Variants in CFAP69 observed in about 807,000 individuals in gnomAD.
CFAP69 encodes the protein cilia- and flagella-associated protein 69.
In CFAP69, 92 loss-of-function variants were observed where a neutral mutation model predicts 123.0. That is an observed-to-expected ratio of 0.75 (90% CI 0.63 to 0.89). The LOEUF (loss-of-function observed/expected upper bound fraction) is 0.89. Ranked by LOEUF, CFAP69 falls within the 40% of genes least tolerant of loss-of-function variation. The pLI is 0.00. For synonymous variants in CFAP69, 380 were observed against 364.3 expected (o/e 1.04, Z -0.49); for missense variants, 1,067 against 1,096.9 (o/e 0.97, Z 0.39).
chr7:90,295,142 A>C (rs1791751556), intron 15 of CFAP69, among the ~76,000 whole-genome samples: 1 of 152,218 alleles, frequency 6.6e-6, no homozygotes, highest in Non-Finnish European at 1.5e-5. Flanking sequence ...AACCATAAGC[A>C]AAAAGTGCAA....
At chr7:90,309,478 T>C in intron 22 of CFAP69, 111 bp downstream of exon 22, 1 of 504,016 alleles carries the variant, frequency 2.0e-6, no homozygotes, top group Non-Finnish European at 3.5e-6. Context: ...AATGGATGGA[T>C]TGTGTGGTAT....
At chr7:90,315,512 G>A (rs1421452313), downstream of CFAP69, among the ~76,000 whole-genome samples, 1 of 152,212 alleles carries the variant, frequency 6.6e-6, no homozygotes, top group East Asian at 1.9e-4. Context: ...ACAGAAAACC[G>A]AATACCGCAT....
At chr7:90,258,714 A>G (rs960756140) in intron 3 of CFAP69, among the ~76,000 whole-genome samples, 28 of 152,234 alleles carry the variant, frequency 1.8e-4, no homozygotes, top group African/African-American at 6.5e-4. Flanking sequence ...TCTACCACAG[A>G]AATACTGGAG....
intron 17 of CFAP69, chr7:90,300,644 C>CT (rs988514800): frequency 0.044 from 3,536 of 80,602 alleles, 85 homozygotes; most frequent in South Asian, 0.22. Context: ...ACATTTTTTT[C>CT]TTTTTTTTTT....
At chr7:90,316,463 T>C in the CFAP69 span, 2 of 152,234 alleles carry the variant, frequency 1.3e-5, no homozygotes, top group Non-Finnish European at 2.9e-5. Flanking sequence ...TATTTTGATA[T>C]CATAAAATTG....
intron 1 of CFAP69, 53 bp downstream of exon 1, chr7:90,245,597 C>G: frequency 7.1e-7 from 1 of 1,416,446 alleles, no homozygotes; most frequent in Non-Finnish European, 9.3e-7. Context: ...AGTGAAGTCT[C>G]GAGACGGGGT....
At chr7:90,294,970 C>G (rs1791719947) in intron 15 of CFAP69, among the ~76,000 whole-genome samples, 1 of 152,132 alleles carries the variant, frequency 6.6e-6, no homozygotes, top group Admixed American at 6.6e-5. Context: ...AGAGAAAGAC[C>G]TGCCCATTGG....
intron 3 of CFAP69, among the ~76,000 whole-genome samples, chr7:90,258,835 T>A (rs1797960546): frequency 6.6e-6 from 1 of 152,152 alleles, no homozygotes; most frequent in African/African-American, 2.4e-5. Context: ...ATAACACAAG[T>A]AACTGTGGAT....
At chr7:90,269,911 A>G (rs1273568755) in intron 6 of CFAP69, among the ~76,000 whole-genome samples, 3 of 152,198 alleles carry the variant, frequency 2.0e-5, no homozygotes, top group South Asian at 2.1e-4. Flanking sequence ...GAAATTCTCA[A>G]AGAAAGCACA....
At position 90,304,347 on chromosome 7, in the gene CFAP69, GA is replaced by G. The variant is rs1008852049; in HGVS notation, c.2188+242del. 260 of 1,256,552 alleles carry G rather than the reference GA, an allele frequency of 2.1e-4. 1 individual carries two copies. The African/African-American group carries it at 3.7e-3, about 18-fold the overall frequency. The allele number at this position is 1,256,552 out of a possible 1,614,324, so 77.8% of individuals were successfully genotyped here. On this transcript the variant is annotated intron_variant, in intron 18 of 22. Coordinates refer to ENST00000389297, the MANE Select transcript of CFAP69 (RefSeq NM_001039706.3). ...CCAGGCAATTCCAATGTGCAGATAG[GA>G]TTAAGGACAGTTAGTTTAGATGATT...
the CFAP69 span, among the ~76,000 whole-genome samples, chr7:90,319,989 G>C: frequency 3.3e-5 from 5 of 152,214 alleles, no homozygotes; most frequent in African/African-American, 1.2e-4. Flanking sequence ...TTATGAAAAT[G>C]CAAAGGTTCA....
intron 15 of CFAP69, among the ~76,000 whole-genome samples, chr7:90,289,956 G>A (rs1790880394): frequency 6.6e-6 from 1 of 152,114 alleles, no homozygotes; most frequent in South Asian, 2.1e-4. Flanking sequence ...TTTCTGTGCT[G>A]TTCTACTGGT....
chr7:90,293,987 T>C (rs913138242), intron 15 of CFAP69, among the ~76,000 whole-genome samples: 2 of 152,368 alleles, frequency 1.3e-5, no homozygotes, highest in African/African-American at 4.8e-5. Context: ...ACATAGACTA[T>C]GACATGCTTA....
intron 1 of CFAP69, among the ~76,000 whole-genome samples, chr7:90,247,478 C>T (rs1796468336): frequency 6.6e-6 from 1 of 152,128 alleles, no homozygotes; most frequent in Non-Finnish European, 1.5e-5. Flanking sequence ...GCTATGTGAC[C>T]AAAGACCAGT....
Position 90,297,830 on chromosome 7 carries a change from A to G in CFAP69, c.1857A>G (p.Ala619=), listed in dbSNP as rs751622236. Residue 619 remains alanine, a splice_region_variant and synonymous_variant, in exon 16 of 23, where the codon GCA becomes GCG. Coordinates refer to ENST00000389297, the MANE Select transcript of CFAP69 (RefSeq NM_001039706.3). ...TTTTTCTCCTTTTGGATTTGTTAGC[A>G]GTAAGTATGGCTATAACAATCATAA... The part of the protein sequence containing the change: ...EGIFLLLDLL[A]LNQKKFCNLI... 1 of 1,565,708 alleles carries G rather than the reference A, an allele frequency of 6.4e-7. No homozygotes were observed. Among genetic ancestry groups the G allele is most frequent in the Non-Finnish European group, 8.6e-7 (1 of 1,159,564 alleles).
chr7:90,304,232 T>C (rs1416537194), intron 18 of CFAP69, 126 bp downstream of exon 18: 1 of 1,390,378 alleles, frequency 7.2e-7, no homozygotes, highest in Non-Finnish European at 9.3e-7. Context: ...TCATTTTCCA[T>C]TGTTACCCCA....
intron 15 of CFAP69, among the ~76,000 whole-genome samples, chr7:90,292,738 A>G (rs1462642630): frequency 2.0e-5 from 3 of 152,198 alleles, no homozygotes; most frequent in African/African-American, 7.2e-5. Context: ...CATTTTAAGC[A>G]ACAAGTTAAA....
At chr7:90,272,312 G>A (rs747754842) in intron 8 of CFAP69, 14 of 167,712 alleles carry the variant, frequency 8.3e-5, no homozygotes, top group Non-Finnish European at 1.7e-4. Flanking sequence ...CAAAATGTGC[G>A]TAAGCCTTCA....
rs57578763 is a variant in CFAP69 at position 90,275,590 on chromosome 7, CTTTTTTTTTT to C, written c.985-1463_985-1454del. 8.2e-4 allele frequency among the ~76,000 whole-genome samples: 51 copies of C among 62,072 alleles called. No individual in the cohort carries two copies. In the East Asian group the frequency reaches 8.9e-3, roughly 11 times the overall value. The allele number at this position is 62,072 out of a possible 152,430, so 40.7% of individuals were successfully genotyped here. A position where few individuals can be genotyped will look rare whatever the true frequency, so the allele number is the denominator to read the frequency against. On this transcript the variant is annotated intron_variant, in intron 9 of 22. Transcript: ENST00000389297. ...TACGGCCTGCTCTCAGGCCAAAAGC[CTTTTTTTTTT>C]TTTTTTTTTTTTTTTTTTTGAGACG... is the stretch of plus-strand genomic sequence containing the variant.
Sources: gnomAD v4.1 joint callset for allele counts (sites outside exome capture counted in the v4.1 genomes callset) on GRCh38, gnomAD v4.1.1 for gene constraint, MANE v1.5 for transcripts, NCBI Gene and HGNC (gene_info 2026-07-23, HGNC 2026-07-21) for gene names.